The following SNTG1 variants were observed in gnomAD, a reference collection of about 807,000 sequenced individuals.
SNTG1 encodes gamma-1-syntrophin.
Under a neutral mutation model 74.7 loss-of-function variants are expected in SNTG1, and 39 were observed. The observed-to-expected ratio is 0.52, with a 90% CI of 0.40 to 0.68. The LOEUF is 0.68. Ranked by LOEUF, SNTG1 falls within the 30% of genes least tolerant of loss-of-function variation. The pLI is 0.00. For missense variants in SNTG1, 685 were observed against 609.5 expected, an observed-to-expected ratio of 1.12 and a Z score of -1.30; for synonymous variants, 254 against 217.1, an observed-to-expected ratio of 1.17 and a Z score of -1.49.
At chr8:50,579,780 C>A (rs2094598479) in intron 12 of SNTG1, among the ~76,000 whole-genome samples, 1 of 152,224 alleles carries the variant, frequency 6.6e-6, no homozygotes, top group South Asian at 2.1e-4. Flanking sequence ...GGTTTGGGAA[C>A]TTCTGCCTAG....
intron 12 of SNTG1, among the ~76,000 whole-genome samples, chr8:50,588,981 G>A (rs928892185): frequency 6.6e-6 from 1 of 151,860 alleles, no homozygotes; most frequent in Non-Finnish European, 1.5e-5. Context: ...ATATCACACT[G>A]TCTTGTCATT....
At chr8:50,034,638 G>T (rs1262008568) in intron 1 of SNTG1, among the ~76,000 whole-genome samples, 3 of 152,034 alleles carry the variant, frequency 2.0e-5, no homozygotes, top group Non-Finnish European at 2.9e-5. Flanking sequence ...CAATATTTTG[G>T]CTTCCCTGGG....
intron 13 of SNTG1, among the ~76,000 whole-genome samples, chr8:50,598,665 T>C (rs189458719): frequency 1.3e-5 from 2 of 152,090 alleles, no homozygotes; most frequent in Admixed American, 1.3e-4. Flanking sequence ...ATGGCTTTGG[T>C]TAATATTGAC....
intron 1 of SNTG1, among the ~76,000 whole-genome samples, chr8:49,967,814 C>G (rs980587769): frequency 6.6e-6 from 1 of 152,162 alleles, no homozygotes; most frequent in Non-Finnish European, 1.5e-5. Flanking sequence ...AGGTCTTAAG[C>G]AAATAATAAG....
intron 2 of SNTG1, among the ~76,000 whole-genome samples, chr8:50,392,066 C>T (rs1275081656): frequency 6.6e-6 from 1 of 152,088 alleles, no homozygotes; most frequent in East Asian, 1.9e-4. Context: ...GAACTGAAAA[C>T]AGACAGTAAG....
At chr8:50,461,557 G>A (rs1474388362) in intron 8 of SNTG1, among the ~76,000 whole-genome samples, 8 of 151,790 alleles carry the variant, frequency 5.3e-5, no homozygotes, top group Admixed American at 5.3e-4. Context: ...AAATCACTCT[G>A]GATGCATATA....
In SNTG1 at chr8:50,701,651, T is replaced by C. The variant is rs1298600031; in HGVS notation, c.1039-2949T>C. On this transcript the variant is annotated intron_variant, in intron 15 of 18. Transcript: ENST00000642720. Reference sequence around the variant, plus strand: ...TCTTCCTCTTCTTCTTCCTCCTCTTTTTCTTCCTCTTCTTCTTCTTCCTTC... The same window carrying C: ...TCTTCCTCTTCTTCTTCCTCCTCTTCTTCTTCCTCTTCTTCTTCTTCCTTC... Among the ~76,000 whole-genome samples, 188 of 125,096 alleles carry C rather than the reference T, an allele frequency of 1.5e-3. 1 individual carries two copies. The highest frequency in any genetic ancestry group is 7.1e-3 in the African/African-American group (179 of 25,336). 82.1% of individuals were successfully genotyped at this position (125,096 alleles called of 152,430 possible). A position where few individuals can be genotyped will look rare whatever the true frequency, so the allele number is the denominator to read the frequency against.
chr8:50,204,927 C>T (rs1480814506), intron 2 of SNTG1, among the ~76,000 whole-genome samples: 1 of 152,108 alleles, frequency 6.6e-6, no homozygotes, highest in Admixed American at 6.6e-5. Context: ...GCATAGTATT[C>T]CATGGTATAT....
intron 13 of SNTG1, among the ~76,000 whole-genome samples, chr8:50,592,758 A>G (rs1362994540): frequency 6.6e-6 from 1 of 152,172 alleles, no homozygotes; most frequent in African/African-American, 2.4e-5. Context: ...ACTATTTCAG[A>G]TTTTATTTCA....
At chr8:50,654,865 A>T (rs1051431280) in intron 13 of SNTG1, among the ~76,000 whole-genome samples, 1 of 152,170 alleles carries the variant, frequency 6.6e-6, no homozygotes, top group Admixed American at 6.5e-5. Context: ...ATTAGGATGC[A>T]GACATTTCTG....
At chr8:50,562,981 G>A (rs1049197228) in intron 12 of SNTG1, among the ~76,000 whole-genome samples, 4 of 152,166 alleles carry the variant, frequency 2.6e-5, no homozygotes, top group African/African-American at 9.7e-5. Context: ...AAGCAGTGTT[G>A]GCTCTCAGTG....
intron 1 of SNTG1, among the ~76,000 whole-genome samples, chr8:50,017,653 G>GTT (rs1247012780): frequency 6.6e-6 from 1 of 151,740 alleles, no homozygotes; most frequent in Non-Finnish European, 1.5e-5. Flanking sequence ...AAGATAAAAT[G>GTT]TTATAAGAGT....
At chr8:50,766,410 A>G (rs899328641) in intron 18 of SNTG1, among the ~76,000 whole-genome samples, 1 of 151,976 alleles carries the variant, frequency 6.6e-6, no homozygotes, top group African/African-American at 2.4e-5. Flanking sequence ...ATTTGGGAAT[A>G]ATAATTGAAG....
chr8:50,459,097 A>G (rs2093535782), intron 8 of SNTG1, among the ~76,000 whole-genome samples: 4 of 152,182 alleles, frequency 2.6e-5, no homozygotes, highest in Admixed American at 1.3e-4. Context: ...TTTCGTATAC[A>G]GTAAGGTAAG....
chr8:50,074,950 C>G lies in SNTG1; in HGVS notation c.-102-97611C>G, dbSNP rs1311947784. On this transcript the variant is annotated intron_variant, in intron 1 of 18. Transcript: ENST00000642720. Reference sequence around the variant, plus strand: ...GGGCATCCTCTCCACAGACCCCACACTTGGAGCGGCCTGCCGGCGCCACTG... The same window carrying G: ...GGGCATCCTCTCCACAGACCCCACAGTTGGAGCGGCCTGCCGGCGCCACTG... Among the ~76,000 whole-genome samples the G allele has an allele frequency of 2.0e-5, 3 of 152,332 alleles. No individual in the cohort carries two copies. In the East Asian group the frequency reaches 5.8e-4, roughly 30 times the overall value.
intron 8 of SNTG1, among the ~76,000 whole-genome samples, chr8:50,488,887 C>A (rs535973351): frequency 4.9e-4 from 75 of 152,262 alleles, no homozygotes; most frequent in African/African-American, 1.7e-3. Context: ...ATCAACCCAT[C>A]ATCTACATTA....
chr8:50,636,426 C>T (rs13254513), intron 13 of SNTG1, among the ~76,000 whole-genome samples: 84,739 of 151,740 alleles, frequency 0.56, 25,801 homozygotes, highest in Non-Finnish European at 0.68. Context: ...CTTTGGCACA[C>T]GGTAGTAAAG....
At chr8:50,576,245 T>A (rs188615663) in intron 12 of SNTG1, among the ~76,000 whole-genome samples, 4 of 152,336 alleles carry the variant, frequency 2.6e-5, no homozygotes, top group Non-Finnish European at 5.9e-5. Flanking sequence ...CTGTCTTTTT[T>A]CCATTGAGTG....
rs575383755 is a variant in SNTG1 at position 50,420,982 on chromosome 8, A to G, written c.163-17561A>G. ...GGAGGTTATGGTGACCCAAGACTAT[A>G]CCACTGCACTCCAGCCTGGCAACAG... is the stretch of plus-strand genomic sequence containing the variant. On this transcript the variant is annotated intron_variant, in intron 4 of 18. Transcript: ENST00000642720. 2.0e-4 allele frequency among the ~76,000 whole-genome samples: 27 copies of G among 136,936 alleles called. 1 individual carries two copies. Among genetic ancestry groups the G allele is most frequent in the African/African-American group, 7.0e-4 (26 of 37,082 alleles). 89.8% of individuals were successfully genotyped at this position (136,936 alleles called of 152,430 possible).
Sources: gnomAD v4.1 joint callset for allele counts (sites outside exome capture counted in the v4.1 genomes callset) on GRCh38, gnomAD v4.1.1 for gene constraint, MANE v1.5 for transcripts, NCBI Gene and HGNC (gene_info 2026-07-23, HGNC 2026-07-21) for gene names.